The following HELZ variants were observed in gnomAD, a reference collection of about 807,000 sequenced individuals.
HELZ encodes helicase with zinc finger.
In HELZ, 23 loss-of-function variants were observed where a neutral mutation model predicts 218.2. The observed-to-expected ratio is 0.11, with a 90% CI of 0.08 to 0.15. The LOEUF (loss-of-function observed/expected upper bound fraction) is 0.15. Ranked by LOEUF, HELZ falls within the 10% of genes least tolerant of loss-of-function variation. The pLI, the probability that HELZ is intolerant of heterozygous loss-of-function variation, is 1.00. For missense variants in HELZ, 1,813 were observed against 2,353.7 expected, an observed-to-expected ratio of 0.77 and a Z score of 4.75; for synonymous variants, 814 against 829.4, an observed-to-expected ratio of 0.98 and a Z score of 0.32.
Position 67,178,755 on chromosome 17 carries a change from G to A in HELZ, c.1334C>T (p.Ser445Phe). The change falls in exon 13 of 33, where the codon TCC becomes TTC. Residue 445 changes from serine (S) to phenylalanine (F), a missense_variant. By Grantham distance (155) the Ser-to-Phe change is radical. Coordinates refer to ENST00000358691, the MANE Select transcript of HELZ (RefSeq NM_014877.4). ...PLSADQLFTQ[S>F]VLDKSLTKSN... ...CTTGGTCAATGATTTGTCTAAAACG[G>A]ACTGAGTAAATAGCTGGTCAGCAGA... is the stretch of plus-strand genomic sequence containing the variant. 2 of 1,613,870 alleles carry A rather than the reference G, an allele frequency of 1.2e-6. No individual in the cohort carries two copies. Among genetic ancestry groups the A allele is most frequent in the Non-Finnish European group, 1.7e-6 (2 of 1,179,886 alleles).
At position 67,138,007 on chromosome 17, in the gene HELZ, T is replaced by C. The variant is rs1367566300; in HGVS notation, c.2877A>G (p.Gln959=). The change falls in exon 22 of 33, where the codon CAA becomes CAG. Residue 959 remains glutamine, a synonymous_variant. Coordinates refer to ENST00000358691, the MANE Select transcript of HELZ (RefSeq NM_014877.4). ...GAAGTTCAGCACGTATTCTAAACAC[T>C]TGATCAGCATATGGAGTCACCACAC... ...SIGVVTPYAD[Q]VFRIRAELRK... 6.2e-7 allele frequency: 1 copy of C among 1,613,820 alleles called. No individual in the cohort carries two copies. The highest frequency in any genetic ancestry group is 8.5e-7 in the Non-Finnish European group (1 of 1,179,888).
At chr17:67,164,971 T>C (rs2039098118) in intron 15 of HELZ, among the ~76,000 whole-genome samples, 1 of 152,152 alleles carries the variant, frequency 6.6e-6, no homozygotes, top group African/African-American at 2.4e-5. Context: ...AAAGGCCAAC[T>C]AGAAAGCTAC....
intron 31 of HELZ, among the ~76,000 whole-genome samples, chr17:67,092,930 T>G (rs1202473510): frequency 6.6e-6 from 1 of 151,640 alleles, no homozygotes; most frequent in Non-Finnish European, 1.5e-5. Context: ...ATTGTGCCAC[T>G]GCACTCCCAC....
At position 67,108,601 on chromosome 17, in the gene HELZ, G is replaced by C. The variant is rs185339107; in HGVS notation, c.4615C>G (p.His1539Asp). The stretch of plus-strand genomic sequence containing the variant: ...GGCGGCTGAGGAAGATGCTGGAGGT[G>C]AGGATGGTGATGGTGTGGGTATGGA... ...SAPYPHHHHPHLQHLPQPPLG... is the reference protein window; with the variant it reads ...SAPYPHHHHPDLQHLPQPPLG... The change falls in exon 30 of 33, where the codon CAC becomes GAC. Residue 1539 changes from histidine (H) to aspartate (D), a missense_variant. Around this residue, in one of 4 missense-constraint regions of HELZ, gnomAD observed 938 missense variants for 1,027.5 expected, o/e 0.91. Coordinates refer to ENST00000358691, the MANE Select transcript of HELZ (RefSeq NM_014877.4). The surrounding 1 kb of genome is among the most constrained non-coding windows in gnomAD (Gnocchi z 4.1). 1.4e-4 allele frequency: 232 copies of C among 1,614,104 alleles called. 3 individuals carry two copies. The East Asian group carries it at 5.0e-3, about 35-fold the overall frequency.
chr17:67,220,677 G>A (rs2040719325), intron 3 of HELZ, among the ~76,000 whole-genome samples: 1 of 151,758 alleles, frequency 6.6e-6, no homozygotes, highest in South Asian at 2.1e-4. Flanking sequence ...TTTTTGTATT[G>A]ACAGGGTCTC....
chr17:67,111,664 A>G (rs1313175592), intron 28 of HELZ, among the ~76,000 whole-genome samples: 1 of 152,194 alleles, frequency 6.6e-6, no homozygotes, highest in Non-Finnish European at 1.5e-5. Flanking sequence ...AAATTTGGCC[A>G]ATTTTAGGCC....
chr17:67,084,816 G>C (rs1464000104), intron 32 of HELZ, among the ~76,000 whole-genome samples: 1 of 152,080 alleles, frequency 6.6e-6, no homozygotes, highest in African/African-American at 2.4e-5. Flanking sequence ...ACATGAGTGA[G>C]TGTATTTATC....
Position 67,128,801 on chromosome 17 carries a change from T to C in HELZ, c.3237A>G (p.Gly1079=). 6.2e-7 allele frequency: 1 copy of C among 1,614,148 alleles called. No individual in the cohort carries two copies. The highest frequency in any genetic ancestry group is 1.1e-5 in the South Asian group (1 of 91,086). The change falls in exon 24 of 33, where the codon GGA becomes GGG. Residue 1079 remains glycine (G), a synonymous_variant. Coordinates refer to ENST00000358691, the MANE Select transcript of HELZ (RefSeq NM_014877.4). Reference sequence around the variant, plus strand: ...GGGCTTTGATCTGTTCAAAAGTGATTCCATGTAGGCTACTGTTTTCATGAC... The same window carrying C: ...GGGCTTTGATCTGTTCAAAAGTGATCCCATGTAGGCTACTGTTTTCATGAC... ...ALCHENSSLH[G]ITFEQIKAQL...
intron 17 of HELZ, among the ~76,000 whole-genome samples, chr17:67,159,282 A>T (rs1443259007): frequency 6.6e-6 from 1 of 152,202 alleles, no homozygotes; most frequent in Non-Finnish European, 1.5e-5. Flanking sequence ...TTAATCTTCC[A>T]AAGTAAAAAT....
chr17:67,227,505 T>C (rs183940771), intron 3 of HELZ, among the ~76,000 whole-genome samples: 14 of 152,250 alleles, frequency 9.2e-5, no homozygotes, highest in Non-Finnish European at 1.8e-4. Context: ...TTTTTAAAAC[T>C]ACAAAGAAGA....
At chr17:67,172,053 G>A (rs938325349) in intron 13 of HELZ, among the ~76,000 whole-genome samples, 2 of 151,918 alleles carry the variant, frequency 1.3e-5, no homozygotes, top group African/African-American at 2.4e-5. Flanking sequence ...GGCTGGTCTC[G>A]AACTCCTGAA....
At chr17:67,199,617 C>T (rs1270739472) in intron 7 of HELZ, among the ~76,000 whole-genome samples, 3 of 152,026 alleles carry the variant, frequency 2.0e-5, no homozygotes, top group Non-Finnish European at 4.4e-5. Flanking sequence ...TACTGATTCT[C>T]GGTTGATTCA....
intron 31 of HELZ, among the ~76,000 whole-genome samples, chr17:67,087,453 C>T (rs1006351894): frequency 5.3e-5 from 8 of 152,182 alleles, no homozygotes; most frequent in Admixed American, 3.3e-4. Flanking sequence ...AGAAAAAGCA[C>T]GAAGGAGCAA....
chr17:67,213,004 T>C (rs768850443), intron 5 of HELZ, among the ~76,000 whole-genome samples: 3 of 152,202 alleles, frequency 2.0e-5, no homozygotes, highest in Non-Finnish European at 4.4e-5. Flanking sequence ...AGTTGTGAAA[T>C]AGCACCTAAT....
chr17:67,143,451 C>T (rs1302076699), intron 21 of HELZ, among the ~76,000 whole-genome samples: 1 of 151,838 alleles, frequency 6.6e-6, no homozygotes, highest in African/African-American at 2.4e-5. Flanking sequence ...CTACAAAATA[C>T]ATTTTTTAAA....
intron 12 of HELZ, among the ~76,000 whole-genome samples, chr17:67,187,219 A>G (rs8067297): frequency 0.035 from 5,271 of 152,274 alleles, 308 homozygotes; most frequent in African/African-American, 0.12. Context: ...CTGATTCCAA[A>G]GAGTACTGAA....
chr17:67,197,814 C>T (rs545010556), intron 7 of HELZ, among the ~76,000 whole-genome samples: 154 of 152,236 alleles, frequency 1.0e-3, no homozygotes, highest in African/African-American at 3.7e-3. Flanking sequence ...AATACTGTTT[C>T]CACAGGAAAA....
chr17:67,168,881 G>A (rs8065374), intron 13 of HELZ, among the ~76,000 whole-genome samples: 1 of 151,884 alleles, frequency 6.6e-6, no homozygotes, highest in Non-Finnish European at 1.5e-5. Flanking sequence ...CACCTGAGGG[G>A]GGCAGTTCAA....
At chr17:67,167,163 G>C (rs1431071246) in intron 14 of HELZ, among the ~76,000 whole-genome samples, 8 of 152,192 alleles carry the variant, frequency 5.3e-5, no homozygotes, top group Admixed American at 5.2e-4. Flanking sequence ...CTGCAGATGA[G>C]AGATGTCCCA....
Sources: gnomAD v4.1 joint callset for allele counts (sites outside exome capture counted in the v4.1 genomes callset) on GRCh38, gnomAD v4.1.1 for gene constraint, gnomAD v4.1.1 regional missense constraint, Gnocchi (gnomAD v3.1) non-coding constraint, MANE v1.5 for transcripts, NCBI Gene and HGNC (gene_info 2026-07-23, HGNC 2026-07-21) for gene names.